Variants in NEBL observed in about 807,000 individuals in gnomAD.
The protein encoded by NEBL is nebulette.
Under a neutral mutation model 140.2 loss-of-function variants are expected in NEBL, and 122 were observed. That is an observed-to-expected ratio of 0.87 (90% CI 0.75 to 1.01). The LOEUF is 1.01. NEBL is among the 50% of genes least tolerant of loss of function. The pLI is 0.00. For synonymous variants in NEBL, 436 were observed against 398.9 expected (o/e 1.09, Z -1.11); for missense variants, 1,365 against 1,231.3 (o/e 1.11, Z -1.62).
chr10:20,870,325 CAAAAA>C (rs35138107), intron 5 of NEBL, among the ~76,000 whole-genome samples: 7 of 107,890 alleles, frequency 6.5e-5, no homozygotes, highest in East Asian at 2.8e-4. Context: ...GACTTTATCT[CAAAAA>C]AAAAAAAAAA....
chr10:20,786,268 C>T (rs962887089), intron 27 of NEBL, among the ~76,000 whole-genome samples: 9 of 152,210 alleles, frequency 5.9e-5, no homozygotes, highest in East Asian at 3.9e-4. Context: ...GAACAAAACT[C>T]GTCATATGTC....
chr10:21,087,371 G>A (rs1332830657), intron 2 of NEBL, among the ~76,000 whole-genome samples: 1 of 151,666 alleles, frequency 6.6e-6, no homozygotes, highest in East Asian at 1.9e-4. Flanking sequence ...TTTTTTTATT[G>A]ATGACCCAAG....
intron 4 of NEBL, among the ~76,000 whole-genome samples, chr10:20,886,891 G>A (rs1846570493): frequency 6.6e-6 from 1 of 152,130 alleles, no homozygotes; most frequent in South Asian, 2.1e-4. Flanking sequence ...TCCTTAGAAA[G>A]AAAATTTTAA....
chr10:20,809,317 T>A (rs1229107368), intron 25 of NEBL, among the ~76,000 whole-genome samples: 1 of 152,218 alleles, frequency 6.6e-6, no homozygotes, highest in African/African-American at 2.4e-5. Flanking sequence ...AAGCCAACTA[T>A]GCTTGCCATG....
intron 12 of NEBL, chr10:20,841,553 T>C (rs1841411477): frequency 6.6e-6 from 1 of 152,226 alleles, no homozygotes; most frequent in South Asian, 2.1e-4. Context: ...TTCATGATGA[T>C]GAATGGAATC....
intron 3 of NEBL, among the ~76,000 whole-genome samples, chr10:21,003,171 C>G (rs190967003): frequency 4.6e-5 from 7 of 152,202 alleles, no homozygotes; most frequent in Admixed American, 4.6e-4. Flanking sequence ...AATCCCTAGA[C>G]CACAGCTCTT....
intron 1 of NEBL, among the ~76,000 whole-genome samples, chr10:21,289,027 T>C (rs1328130597): frequency 6.7e-6 from 1 of 150,326 alleles, no homozygotes; most frequent in Non-Finnish European, 1.5e-5. Context: ...TTTGTATTTT[T>C]TAGTAGAGAC....
chr10:21,013,476 G>A (rs1838426857), intron 3 of NEBL, among the ~76,000 whole-genome samples: 1 of 152,190 alleles, frequency 6.6e-6, no homozygotes, highest in South Asian at 2.1e-4. Context: ...GAGAAAGTTA[G>A]GAGGCAAGCA....
At chr10:20,978,262 C>A (rs917428505) in intron 3 of NEBL, among the ~76,000 whole-genome samples, 1 of 152,158 alleles carries the variant, frequency 6.6e-6, no homozygotes, top group Non-Finnish European at 1.5e-5. Flanking sequence ...AAGGGCTCCT[C>A]TAAGACTGAA....
rs1844720474 is a variant in NEBL, at chr10:20,869,729, A to C, written c.582+11T>G. The C allele has an allele frequency of 3.8e-6, 6 of 1,575,376 alleles. No homozygotes were observed. The highest frequency in any genetic ancestry group is 4.5e-5 in the East Asian group (2 of 44,678). On this transcript the variant is annotated intron_variant, in intron 6 of 27. Transcript: ENST00000377122. ...AATCATTTCCGTTCAAGGTTTAGAA[A>C]GAGAAGTTACATTGCTTATGATCTT... is the stretch of plus-strand genomic sequence containing the variant.
chr10:21,136,257 A>G (rs1422193528), intron 2 of NEBL, among the ~76,000 whole-genome samples: 1 of 152,156 alleles, frequency 6.6e-6, no homozygotes, highest in Non-Finnish European at 1.5e-5. Flanking sequence ...TATATTTCCA[A>G]AATCTCCATT....
At chr10:20,870,592 T>G (rs1180266388) in intron 5 of NEBL, among the ~76,000 whole-genome samples, 1 of 152,158 alleles carries the variant, frequency 6.6e-6, no homozygotes, top group Non-Finnish European at 1.5e-5. Flanking sequence ...GGATGGTGGG[T>G]GGTGAAGCTC....
chr10:20,851,746 T>C (rs1159027220), intron 10 of NEBL, among the ~76,000 whole-genome samples: 1 of 152,034 alleles, frequency 6.6e-6, no homozygotes, highest in Non-Finnish European at 1.5e-5. Context: ...GATCACGCCA[T>C]TGCACTCCAG....
chr10:20,835,493 G>C lies in NEBL; in HGVS notation c.1449+20C>G, dbSNP rs1331738737. ...TTCCAAAATATGAGTCTTAAGGCCT[G>C]CATCACGCACCCTACTAACCTCACT... On this transcript the variant is annotated intron_variant, in intron 14 of 27. Coordinates refer to ENST00000377122, the MANE Select transcript of NEBL (RefSeq NM_006393.3). 3.9e-6 allele frequency: 6 copies of C among 1,548,294 alleles called. No individual in the cohort carries two copies. The highest frequency in any genetic ancestry group is 2.2e-5 in the East Asian group (1 of 44,554).
chr10:20,894,998 T>C (rs113307055), intron 2 of NEBL, among the ~76,000 whole-genome samples: 5,873 of 151,040 alleles, frequency 0.039, 340 homozygotes, highest in African/African-American at 0.13. Flanking sequence ...CATTCTACCA[T>C]GCCACAAAAA....
chr10:21,126,136 G>A (rs1020228318), intron 2 of NEBL: 6 of 1,595,364 alleles, frequency 3.8e-6, no homozygotes, highest in Non-Finnish European at 4.3e-6. Flanking sequence ...ATGGGATAAA[G>A]TGCAGCTGTC....
At chr10:20,960,313 C>G (rs1228752186) in intron 4 of NEBL, among the ~76,000 whole-genome samples, 1 of 151,660 alleles carries the variant, frequency 6.6e-6, no homozygotes, top group East Asian at 1.9e-4. Context: ...TTCTTAAAAG[C>G]AAAAATAGGT....
At chr10:21,180,217 T>G (rs1267051723) in intron 3 of NEBL, among the ~76,000 whole-genome samples, 1 of 152,058 alleles carries the variant, frequency 6.6e-6, no homozygotes, top group East Asian at 1.9e-4. Context: ...CCCTCAGAAC[T>G]GTGAGATACT....
chr10:20,864,435 G>A (rs372937372), intron 7 of NEBL, among the ~76,000 whole-genome samples: 2 of 152,092 alleles, frequency 1.3e-5, no homozygotes, highest in Non-Finnish European at 2.9e-5. Flanking sequence ...ATATAAGAAG[G>A]GTTTGGTATG....
Sources: gnomAD v4.1 joint callset for allele counts (sites outside exome capture counted in the v4.1 genomes callset) on GRCh38, gnomAD v4.1.1 for gene constraint, MANE v1.5 for transcripts, NCBI Gene and HGNC (gene_info 2026-07-23, HGNC 2026-07-21) for gene names.